The following HEG1 variants were observed in gnomAD, a reference collection of about 807,000 sequenced individuals.
The protein encoded by HEG1 is heart development protein with EGF like domains 1.
Under a neutral mutation model 125.6 loss-of-function variants are expected in HEG1, and 56 were observed. The ratio of observed to expected loss-of-function variants is 0.45; its 90% confidence interval spans 0.36 to 0.56. The LOEUF (loss-of-function observed/expected upper bound fraction) is 0.56, where lower values mean the gene tolerates loss of function less well. Ranked by LOEUF, HEG1 falls within the 20% of genes least tolerant of loss-of-function variation. HEG1 has a pLI of 0.00. For missense variants in HEG1, 1,523 were observed against 1,670.0 expected (o/e 0.91, Z 1.53); for synonymous variants, 644 against 668.5 (o/e 0.96, Z 0.57).
rs1354015077 is a variant in HEG1 at position 125,029,263 on chromosome 3, A to G, written c.542T>C (p.Phe181Ser). 11 of 1,613,546 alleles carry G rather than the reference A, an allele frequency of 6.8e-6. No individual in the cohort carries two copies. The highest frequency in any genetic ancestry group is 5.9e-6 in the Non-Finnish European group (7 of 1,179,766). ...TGAGTACCCAACAGGCAAAATGGTG[A>G]AGTTTGTTCTACTTGAAGAGCCGCT... The part of the protein sequence containing the change: ...GRSGSSSRTN[F>S]TILPVGYSLE... Residue 181 changes from phenylalanine (F) to serine (S), a missense_variant, in exon 2 of 17, where the codon TTC becomes TCC. Physicochemically the swap from Phe to Ser is radical, Grantham distance 155. Transcript: ENST00000311127.
intron 12 of HEG1, among the ~76,000 whole-genome samples, chr3:124,996,356 T>C (rs1378856037): frequency 1.3e-5 from 2 of 152,148 alleles, no homozygotes; most frequent in Non-Finnish European, 1.5e-5. Flanking sequence ...AGTGCTGAAA[T>C]TATAGGCGTG....
rs372668082 is a variant in HEG1 at position 125,029,565 on chromosome 3, G to A, written c.317-77C>T. Reference sequence around the variant, plus strand: ...AAAGTAAACCTTCAGAAAAGACACCGTGAAATACATCAGTAGAGAGTGAAT... The same window carrying A: ...AAAGTAAACCTTCAGAAAAGACACCATGAAATACATCAGTAGAGAGTGAAT... On this transcript the variant is annotated intron_variant, in intron 1 of 16. Coordinates refer to ENST00000311127, the MANE Select transcript of HEG1 (RefSeq NM_020733.2). The A allele has an allele frequency of 7.5e-5, 102 of 1,355,336 alleles. 2 individuals carry two copies. In the East Asian group the frequency reaches 8.5e-4, roughly 11 times the overall value. 84.0% of individuals were successfully genotyped at this position (1,355,336 alleles called of 1,614,324 possible).
rs189139999 is a variant in HEG1, at chr3:125,005,329, A to C, written c.3233T>G (p.Phe1078Cys). Residue 1078 changes from phenylalanine to cysteine, a missense_variant, in exon 9 of 17, where the codon TTT becomes TGT. Physicochemically the swap from Phe to Cys is radical, Grantham distance 205. Coordinates refer to ENST00000311127, the MANE Select transcript of HEG1 (RefSeq NM_020733.2). ...ATGTTTTTCCACAGTTGTATTAAGAAAAGTTCTCTTTAATTTAAACTCTGT... is the reference window on the plus strand; with the variant it reads ...ATGTTTTTCCACAGTTGTATTAAGACAAGTTCTCTTTAATTTAAACTCTGT... ...FVTEFKLKRT[F>C]LNTTVEKHSD... 228 of 1,593,794 alleles carry C rather than the reference A, an allele frequency of 1.4e-4. No individual in the cohort carries two copies. Among genetic ancestry groups the C allele is most frequent in the Non-Finnish European group, 1.8e-4 (215 of 1,171,282 alleles).
chr3:125,029,924 C>A (rs1937474659), intron 1 of HEG1, among the ~76,000 whole-genome samples: 6 of 152,036 alleles, frequency 3.9e-5, no homozygotes, highest in Admixed American at 3.9e-4. Context: ...TCTTTTTTTC[C>A]CATATTCATT....
At chr3:124,973,292 C>A (rs1052511525) in intron 16 of HEG1, among the ~76,000 whole-genome samples, 5 of 152,146 alleles carry the variant, frequency 3.3e-5, no homozygotes, top group Non-Finnish European at 7.4e-5. Context: ...ACCTCGGCCT[C>A]CCAAAGTGCT....
chr3:125,000,062 G>A (rs1435208246), intron 11 of HEG1, among the ~76,000 whole-genome samples: 1 of 152,190 alleles, frequency 6.6e-6, no homozygotes, highest in Middle Eastern at 3.2e-3. Context: ...AGGTTAGCAT[G>A]AGACCAGGCT....
At chr3:125,049,130 T>C (rs903341421) in intron 1 of HEG1, among the ~76,000 whole-genome samples, 1 of 152,166 alleles carries the variant, frequency 6.6e-6, no homozygotes, top group Non-Finnish European at 1.5e-5. Context: ...GGAGTCCCAC[T>C]AAACAGTTCA....
chr3:125,051,383 C>G (rs1344148490), intron 1 of HEG1, among the ~76,000 whole-genome samples: 3 of 152,130 alleles, frequency 2.0e-5, no homozygotes, highest in African/African-American at 7.2e-5. Context: ...AGATCTAGGA[C>G]AACTGGTACC....
intron 1 of HEG1, among the ~76,000 whole-genome samples, chr3:125,048,502 G>A (rs1480803316): frequency 1.3e-5 from 2 of 152,240 alleles, no homozygotes; most frequent in African/African-American, 4.8e-5. Context: ...GCTGCTATAG[G>A]CAGGGGGATG....
rs1456890008 is a variant in HEG1, at chr3:125,013,154, C to T, written c.2425G>A (p.Val809Ile). 1 of 1,614,018 alleles carries T rather than the reference C, an allele frequency of 6.2e-7. No individual in the cohort carries two copies. Among genetic ancestry groups the T allele is most frequent in the South Asian group, 1.1e-5 (1 of 91,080 alleles). Residue 809 changes from valine to isoleucine, a missense_variant, in exon 6 of 17, where the codon GTA becomes ATA. Physicochemically the swap from Val to Ile is conservative, Grantham distance 29. Coordinates refer to ENST00000311127, the MANE Select transcript of HEG1 (RefSeq NM_020733.2). ...GGAGGCAAAGGAGAGTTTGTTGTTA[C>T]AGCTTTGGTGGACTCTGTGGGCAGA... is the stretch of plus-strand genomic sequence containing the variant. ...VSLPTESTKAVTTNSPLPPSL... is the reference protein window; with the variant it reads ...VSLPTESTKAITTNSPLPPSL...
intron 15 of HEG1, among the ~76,000 whole-genome samples, chr3:124,977,581 A>T (rs1211861761): frequency 6.6e-6 from 1 of 152,150 alleles, no homozygotes; most frequent in African/African-American, 2.4e-5. Flanking sequence ...AAAGTTTTTA[A>T]TTCTGATGAA....
Position 124,970,567 on chromosome 3 carries a change from C to T in HEG1, c.*85G>A. 1.5e-6 allele frequency: 2 copies of T among 1,310,650 alleles called. No homozygotes were observed. The highest frequency in any genetic ancestry group is 2.1e-6 in the Non-Finnish European group (2 of 952,354). 81.2% of individuals were successfully genotyped at this position (1,310,650 alleles called of 1,614,324 possible). The stretch of plus-strand genomic sequence containing the variant: ...CCACTCAGCGTGGCTCCCGACAAAT[C>T]CTGGGCGCAGCCTCCTGGTGCGGTC... On this transcript the variant is annotated 3_prime_UTR_variant, in exon 17 of 17. Transcript: ENST00000311127.
At chr3:125,014,078 A>G in intron 5 of HEG1, 88 bp from the exon 6 acceptor site, 1 of 1,190,778 alleles carries the variant, frequency 8.4e-7, no homozygotes, top group South Asian at 1.6e-5. Context: ...CAGTGTCATG[A>G]AACTCAATGA....
At chr3:124,986,244 C>T (rs1936736563) in intron 14 of HEG1, among the ~76,000 whole-genome samples, 1 of 152,188 alleles carries the variant, frequency 6.6e-6, no homozygotes. Flanking sequence ...CCTCATTGGG[C>T]TTGGGTAGAG....
At chr3:125,002,344 CA>C (rs1937013561) in intron 9 of HEG1, 29 bp from the exon 10 acceptor site, 2 of 1,596,316 alleles carry the variant, frequency 1.3e-6, no homozygotes, top group African/African-American at 2.7e-5. Context: ...CTGTCGTTAA[CA>C]GTGAGTTAGA....
intron 1 of HEG1, among the ~76,000 whole-genome samples, chr3:125,040,132 T>C (rs1460275090): frequency 6.6e-6 from 1 of 151,976 alleles, no homozygotes; most frequent in East Asian, 1.9e-4. Flanking sequence ...ACAAGAAAAG[T>C]CTGTTTTTGA....
intron 8 of HEG1, among the ~76,000 whole-genome samples, chr3:125,006,760 A>G (rs1395780161): frequency 6.6e-6 from 1 of 152,186 alleles, no homozygotes; most frequent in Non-Finnish European, 1.5e-5. Context: ...AAAGGGAAAG[A>G]TGATTGTGAA....
rs1426981444 is a variant in HEG1, at chr3:125,019,713, G to A, written c.1253-116C>T. 13 of 756,140 alleles carry A rather than the reference G, an allele frequency of 1.7e-5. No homozygotes were observed. In the Admixed American group the frequency reaches 3.2e-4, roughly 19 times the overall value. 46.8% of individuals were successfully genotyped at this position (756,140 alleles called of 1,614,324 possible). ...TCTTTGCCAAGGAACCTGGTATAGT[G>A]TTTATTAAATGTATTATGCACTATC... On this transcript the variant is annotated intron_variant, in intron 4 of 16. Coordinates refer to ENST00000311127, the MANE Select transcript of HEG1 (RefSeq NM_020733.2).
intron 3 of HEG1, among the ~76,000 whole-genome samples, chr3:125,024,046 C>T (rs1027822307): frequency 2.0e-5 from 3 of 152,176 alleles, no homozygotes; most frequent in African/African-American, 7.2e-5. Context: ...AGTGAAATCA[C>T]CACAAAGCAA....
Sources: gnomAD v4.1 joint callset for allele counts (sites outside exome capture counted in the v4.1 genomes callset) on GRCh38, gnomAD v4.1.1 for gene constraint, MANE v1.5 for transcripts, NCBI Gene and HGNC (gene_info 2026-07-23, HGNC 2026-07-21) for gene names.